Variants in TRPS1 observed in about 807,000 individuals in gnomAD.
TRPS1 encodes zinc finger transcription factor Trps1.
A neutral mutation model predicts 101.2 loss-of-function variants in TRPS1; 6 were observed. The observed-to-expected ratio is 0.06, with a 90% CI of 0.03 to 0.12. The LOEUF (loss-of-function observed/expected upper bound fraction) is 0.12, where lower values mean the gene tolerates loss of function less well. Among genes scored for constraint, TRPS1 ranks in the 10% least tolerant of loss-of-function variants. The pLI is 1.00. For synonymous variants in TRPS1, 578 were observed against 589.8 expected (o/e 0.98, Z 0.29); for missense variants, 1,363 against 1,567.0 (o/e 0.87, Z 2.20).
intron 5 of TRPS1, among the ~76,000 whole-genome samples, chr8:115,452,311 A>G (rs2129932266): frequency 6.6e-6 from 1 of 152,346 alleles, no homozygotes; most frequent in Admixed American, 6.5e-5. Flanking sequence ...CTGGCTGCAC[A>G]TCTGCACAAC....
chr8:115,540,454 T>C (rs145327702), intron 5 of TRPS1, among the ~76,000 whole-genome samples: 2,612 of 152,222 alleles, frequency 0.017, 67 homozygotes, highest in African/African-American at 0.058. Flanking sequence ...GAACTTTCCA[T>C]TCTCAGAAAA....
intron 5 of TRPS1, among the ~76,000 whole-genome samples, chr8:115,460,239 C>G (rs2129967781): frequency 6.6e-6 from 1 of 151,880 alleles, no homozygotes; most frequent in East Asian, 1.9e-4. Context: ...AATTTATTAC[C>G]CAGATTGCAG....
chr8:115,441,898 A>T (rs800867), intron 5 of TRPS1, among the ~76,000 whole-genome samples: 93,809 of 120,366 alleles, frequency 0.78, 36,696 homozygotes, highest in Middle Eastern at 0.9. Context: ...AGAGAGAGAG[A>T]GTGTGTGTGT....
chr8:115,530,447 G>A (rs1282424660), intron 5 of TRPS1, among the ~76,000 whole-genome samples: 1 of 152,102 alleles, frequency 6.6e-6, no homozygotes, highest in Non-Finnish European at 1.5e-5. Flanking sequence ...GAGGAAACAA[G>A]TTAGGTGTAT....
intron 5 of TRPS1, among the ~76,000 whole-genome samples, chr8:115,423,987 A>G (rs1318028864): frequency 6.6e-6 from 1 of 152,216 alleles, no homozygotes; most frequent in Non-Finnish European, 1.5e-5. Flanking sequence ...ATGATTTATT[A>G]AAGTGGCTTA....
intron 5 of TRPS1, among the ~76,000 whole-genome samples, chr8:115,571,088 T>C (rs1359937881): frequency 6.6e-6 from 1 of 152,218 alleles, no homozygotes; most frequent in African/African-American, 2.4e-5. Flanking sequence ...GGTTAGCTAT[T>C]ATGACACAAG....
At chr8:115,509,816 T>C (rs919845613) in intron 5 of TRPS1, 2 of 152,014 alleles carry the variant, frequency 1.3e-5, no homozygotes, top group African/African-American at 2.4e-5. Flanking sequence ...CTGTGTTTTA[T>C]CTTTGCCTTT....
chr8:115,427,930 G>A (rs1166893836), intron 5 of TRPS1, among the ~76,000 whole-genome samples: 1 of 152,130 alleles, frequency 6.6e-6, no homozygotes, highest in Non-Finnish European at 1.5e-5. Context: ...GAAACAGGCC[G>A]CTGCTTAAAA....
At chr8:115,505,783 T>C (rs902154521) in intron 5 of TRPS1, among the ~76,000 whole-genome samples, 2 of 152,092 alleles carry the variant, frequency 1.3e-5, no homozygotes, top group African/African-American at 2.4e-5. Flanking sequence ...TCTTAAGACT[T>C]CTGGAGGCAA....
intron 5 of TRPS1, among the ~76,000 whole-genome samples, chr8:115,539,177 C>T (rs1323577172): frequency 2.0e-5 from 3 of 152,110 alleles, no homozygotes; most frequent in South Asian, 2.1e-4. Context: ...AGCAAAGAAC[C>T]CTTCCCTAGG....
chr8:115,645,899 G>A (rs1819013766), intron 1 of TRPS1, among the ~76,000 whole-genome samples: 1 of 152,138 alleles, frequency 6.6e-6, no homozygotes. Context: ...TTTAAGGCAT[G>A]TATTCTACCA....
At chr8:115,567,976 G>A (rs78606277) in intron 5 of TRPS1, among the ~76,000 whole-genome samples, 1,579 of 152,178 alleles carry the variant, frequency 0.01, 27 homozygotes, top group African/African-American at 0.037. Context: ...AACCAGTTGT[G>A]TTATTTTGGG....
chr8:115,578,159 T>C (rs149952882), intron 5 of TRPS1, among the ~76,000 whole-genome samples: 34 of 152,330 alleles, frequency 2.2e-4, no homozygotes, highest in African/African-American at 7.0e-4. Context: ...CTGTATTCCA[T>C]ATATGTGATA....
At chr8:115,585,956 GAAATGA>G (rs1817552733) in intron 5 of TRPS1, among the ~76,000 whole-genome samples, 1 of 152,168 alleles carries the variant, frequency 6.6e-6, no homozygotes, top group African/African-American at 2.4e-5. Flanking sequence ...GAATCTGCAG[GAAATGA>G]GAGCAGAGCA....
chr8:115,489,009 G>A (rs1022105100), intron 5 of TRPS1, among the ~76,000 whole-genome samples: 6 of 152,082 alleles, frequency 3.9e-5, no homozygotes, highest in Admixed American at 1.3e-4. Context: ...TAGCTCTTAT[G>A]ACTTTTAAAC....
intron 4 of TRPS1, among the ~76,000 whole-genome samples, chr8:115,603,211 G>C (rs1031075203): frequency 1.3e-5 from 2 of 152,156 alleles, no homozygotes; most frequent in Non-Finnish European, 2.9e-5. Flanking sequence ...TTTATAAAGA[G>C]AATAGAGTGA....
At chr8:115,422,515 C>T (rs1295156363) in intron 5 of TRPS1, among the ~76,000 whole-genome samples, 1 of 152,032 alleles carries the variant, frequency 6.6e-6, no homozygotes. Context: ...TACAGACGCC[C>T]GCCACCATGC....
chr8:115,473,469 A>T (rs800871), intron 5 of TRPS1, among the ~76,000 whole-genome samples: 85,735 of 152,020 alleles, frequency 0.56, 24,686 homozygotes, highest in East Asian at 0.84. Context: ...ACTGCAATTT[A>T]AGATGAGATT....
intron 5 of TRPS1, among the ~76,000 whole-genome samples, chr8:115,469,626 G>A (rs1455093379): frequency 7.0e-6 from 1 of 142,730 alleles, no homozygotes; most frequent in East Asian, 1.9e-4. Context: ...AGCCTCCCAA[G>A]TAGCTGGAAG....
Sources: gnomAD v4.1 joint callset for allele counts (sites outside exome capture counted in the v4.1 genomes callset) on GRCh38, gnomAD v4.1.1 for gene constraint, MANE v1.5 for transcripts, NCBI Gene and HGNC (gene_info 2026-07-23, HGNC 2026-07-21) for gene names.